Variants in ENOX1 observed in about 807,000 individuals in gnomAD.
The protein encoded by ENOX1 is candidate growth-related and time keeping constitutive hydroquinone (NADH) oxidase.
Under a neutral mutation model 82.5 loss-of-function variants are expected in ENOX1, and 42 were observed. The ratio of observed to expected loss-of-function variants is 0.51; its 90% confidence interval spans 0.40 to 0.66. The LOEUF (loss-of-function observed/expected upper bound fraction) is 0.66. Among genes scored for constraint, ENOX1 ranks in the 30% least tolerant of loss-of-function variants. The pLI is 0.00. For missense variants in ENOX1, 608 were observed against 811.6 expected (o/e 0.75, Z 3.05); for synonymous variants, 271 against 282.2 (o/e 0.96, Z 0.40).
At position 43,593,452 on chromosome 13, in the gene ENOX1, G is replaced by C. The variant is rs1594000564; in HGVS notation, c.-219+74027C>G. ...CCAGCTTTGTTTTCTTGGTTATTCT[G>C]TCTGCAGCGAAACCCTTAAAACAAA... On this transcript the variant is annotated intron_variant, in intron 2 of 16. Transcript: ENST00000690772. Among the ~76,000 whole-genome samples, 3 of 146,918 alleles carry C rather than the reference G, an allele frequency of 2.0e-5. No individual in the cohort carries two copies. The Middle Eastern group carries it at 0.01, about 503-fold the overall frequency.
chr13:43,616,454 A>T (rs13378158), intron 2 of ENOX1, among the ~76,000 whole-genome samples: 35,519 of 150,390 alleles, frequency 0.24, 4,473 homozygotes, highest in Non-Finnish European at 0.3. Context: ...CTCCCGCCTC[A>T]GCCTCCCAAA....
At chr13:43,702,862 A>G (rs1401707291) in intron 1 of ENOX1, among the ~76,000 whole-genome samples, 1 of 146,058 alleles carries the variant, frequency 6.8e-6, no homozygotes, top group Admixed American at 7.0e-5. Context: ...CTGAGGCAGA[A>G]GTATGGCTTG....
At chr13:43,769,222 C>T (rs2153836908) in intron 1 of ENOX1, among the ~76,000 whole-genome samples, 1 of 152,202 alleles carries the variant, frequency 6.6e-6, no homozygotes, top group East Asian at 1.9e-4. Context: ...AAAGACATTA[C>T]CCATAACACT....
chr13:43,404,994 C>A (rs1195747595), intron 5 of ENOX1, among the ~76,000 whole-genome samples: 1 of 152,182 alleles, frequency 6.6e-6, no homozygotes, highest in Non-Finnish European at 1.5e-5. Context: ...GTCTGTATCC[C>A]CTTCATCATG....
intron 2 of ENOX1, among the ~76,000 whole-genome samples, chr13:43,604,589 T>A (rs376223325): frequency 6.6e-6 from 1 of 152,342 alleles, no homozygotes; most frequent in African/African-American, 2.4e-5. Context: ...CATATAGTTT[T>A]TATCCTTCAT....
At chr13:43,742,244 T>A (rs1949776882) in intron 1 of ENOX1, among the ~76,000 whole-genome samples, 1 of 152,092 alleles carries the variant, frequency 6.6e-6, no homozygotes, top group Non-Finnish European at 1.5e-5. Flanking sequence ...AGAAGTCCCA[T>A]GATCGACATG....
At chr13:43,667,166 G>C (rs182201479) in intron 2 of ENOX1, among the ~76,000 whole-genome samples, 1 of 152,080 alleles carries the variant, frequency 6.6e-6, no homozygotes, top group East Asian at 1.9e-4. Flanking sequence ...AAAGATAAAG[G>C]CTTCATGATA....
intron 1 of ENOX1, among the ~76,000 whole-genome samples, chr13:43,681,279 A>G (rs761732200): frequency 6.6e-5 from 10 of 152,156 alleles, no homozygotes; most frequent in Non-Finnish European, 1.5e-4. Flanking sequence ...CAATCCTCTC[A>G]ATTTATACAT....
intron 12 of ENOX1, among the ~76,000 whole-genome samples, chr13:43,270,683 CTG>C (rs1236478101): frequency 6.6e-6 from 1 of 152,194 alleles, no homozygotes; most frequent in African/African-American, 2.4e-5. Flanking sequence ...GAAAAACACA[CTG>C]TGCTTTCCCT....
chr13:43,267,749 G>C (rs2044465518), intron 13 of ENOX1, among the ~76,000 whole-genome samples: 1 of 152,160 alleles, frequency 6.6e-6, no homozygotes, highest in South Asian at 2.1e-4. Context: ...GGGGTAGCAG[G>C]TGAGGGGCTC....
intron 3 of ENOX1, among the ~76,000 whole-genome samples, chr13:43,429,054 C>T (rs1294496315): frequency 6.6e-6 from 1 of 152,142 alleles, no homozygotes; most frequent in African/African-American, 2.4e-5. Context: ...AAGTCGCTTT[C>T]TCTGACTCTC....
chr13:43,659,457 T>C (rs1169770747), intron 2 of ENOX1, among the ~76,000 whole-genome samples: 1 of 151,800 alleles, frequency 6.6e-6, no homozygotes, highest in Admixed American at 6.6e-5. Context: ...GCCACTGTAC[T>C]CCAGCCTGGA....
At chr13:43,625,446 T>A (rs565407431) in intron 2 of ENOX1, among the ~76,000 whole-genome samples, 58 of 152,186 alleles carry the variant, frequency 3.8e-4, no homozygotes, top group Middle Eastern at 6.8e-3. Context: ...GCCTTTCACC[T>A]TTAACTAAAA....
At chr13:43,691,774 C>T (rs955828483) in intron 1 of ENOX1, among the ~76,000 whole-genome samples, 1 of 151,266 alleles carries the variant, frequency 6.6e-6, no homozygotes, top group Non-Finnish European at 1.5e-5. Flanking sequence ...GATCTTGGCT[C>T]ACTGCAATCT....
intron 2 of ENOX1, among the ~76,000 whole-genome samples, chr13:43,528,949 T>A (rs1165311540): frequency 1.3e-5 from 2 of 152,080 alleles, no homozygotes; most frequent in Non-Finnish European, 1.5e-5. Flanking sequence ...AATTGCCTTG[T>A]ATTTTGAGAG....
chr13:43,314,657 T>C (rs1409210530), intron 11 of ENOX1, among the ~76,000 whole-genome samples: 2 of 152,236 alleles, frequency 1.3e-5, no homozygotes, highest in African/African-American at 4.8e-5. Flanking sequence ...CTAGTACTGA[T>C]TCTTTTGGCC....
At chr13:43,708,282 G>A (rs778754069) in intron 1 of ENOX1, among the ~76,000 whole-genome samples, 3 of 152,158 alleles carry the variant, frequency 2.0e-5, no homozygotes, top group African/African-American at 4.8e-5. Context: ...GTGCGGACAG[G>A]CCATTGCGCA....
chr13:43,304,957 A>G lies in ENOX1; in HGVS notation c.1262-6427T>C, dbSNP rs149470243. ...TGTGCCTTCAGTTAGAATAAAGGTG[A>G]CAGAAACTCCTCTGCGTTATGCTGA... On this transcript the variant is annotated intron_variant, in intron 11 of 16. Transcript: ENST00000690772. 5.9e-3 allele frequency among the ~76,000 whole-genome samples: 318 copies of G among 54,168 alleles called. 1 individual carries two copies. Among genetic ancestry groups the G allele is most frequent in the African/African-American group, 0.014 (284 of 19,852 alleles). 35.5% of individuals were successfully genotyped at this position (54,168 alleles called of 152,430 possible). A position where few individuals can be genotyped will look rare whatever the true frequency, so the allele number is the denominator to read the frequency against.
At chr13:43,241,468 C>T (rs1009817878) in intron 14 of ENOX1, among the ~76,000 whole-genome samples, 9 of 152,088 alleles carry the variant, frequency 5.9e-5, no homozygotes, top group African/African-American at 1.9e-4. Context: ...AAGTACACAG[C>T]GGGACGGGAA....
Sources: allele counts gnomAD v4.1 joint callset (sites outside exome capture counted in the v4.1 genomes callset), GRCh38; gene constraint gnomAD v4.1.1; transcripts MANE v1.5; gene names NCBI Gene and HGNC (gene_info 2026-07-23, HGNC 2026-07-21).